PACRG: variants seen among roughly 807,000 people sequenced by gnomAD.
PACRG encodes parkin coregulated, also known as parkin coregulated gene protein.
Under a neutral mutation model 29.7 loss-of-function variants are expected in PACRG, and 29 were observed. The observed-to-expected ratio is 0.98, with a 90% CI of 0.73 to 1.33. The LOEUF is 1.33. Ranked by LOEUF, PACRG falls within the 40% of genes most tolerant of loss-of-function variation. PACRG has a pLI of 0.00. For missense variants in PACRG, 279 were observed against 316.2 expected, an observed-to-expected ratio of 0.88 and a Z score of 0.89; for synonymous variants, 116 against 118.7, an observed-to-expected ratio of 0.98 and a Z score of 0.15.
At chr6:162,754,886 T>C (rs1439001069) in intron 1 of PACRG, among the ~76,000 whole-genome samples, 1 of 152,178 alleles carries the variant, frequency 6.6e-6, no homozygotes, top group Non-Finnish European at 1.5e-5. Context: ...TTTTGTAGAA[T>C]TCCACAGTAA....
intron 1 of PACRG, among the ~76,000 whole-genome samples, chr6:162,759,833 G>A (rs138390366): frequency 3.8e-4 from 58 of 152,242 alleles, no homozygotes; most frequent in Admixed American, 8.5e-4. Flanking sequence ...CTAAAAGTCC[G>A]ATATTAGGAC....
chr6:162,909,282 G>A (rs888080918), intron 2 of PACRG, among the ~76,000 whole-genome samples: 6 of 152,008 alleles, frequency 3.9e-5, no homozygotes, highest in Non-Finnish European at 5.9e-5. Flanking sequence ...TTGGCCAGGC[G>A]CGGGGGCTCA....
chr6:163,097,520 A>T lies in PACRG; in HGVS notation c.613+8112A>T, dbSNP rs892264107. On this transcript the variant is annotated intron_variant, in intron 4 of 4. Coordinates refer to ENST00000366888, the MANE Select transcript of PACRG (RefSeq NM_001080379.2). ...GCTTATTCTGAGCCAAATATGGGTG[A>T]CCATGACCCAGGGCACAGTCTCAGG... 8.5e-5 allele frequency among the ~76,000 whole-genome samples: 13 copies of T among 152,240 alleles called. No individual in the cohort carries two copies. In the South Asian group the frequency reaches 2.7e-3, roughly 32 times the overall value.
At chr6:163,238,899 C>A (rs899261706) in intron 4 of PACRG, among the ~76,000 whole-genome samples, 1 of 152,174 alleles carries the variant, frequency 6.6e-6, no homozygotes, top group African/African-American at 2.4e-5. Flanking sequence ...CCATCTCATG[C>A]TTCAACCTCA....
chr6:162,952,055 C>G (rs892273358), intron 2 of PACRG, among the ~76,000 whole-genome samples: 1 of 152,170 alleles, frequency 6.6e-6, no homozygotes, highest in Non-Finnish European at 1.5e-5. Context: ...TCAATAGTTC[C>G]TACGTAGCTG....
chr6:163,170,984 C>T (rs1779055504), intron 4 of PACRG: 1 of 152,196 alleles, frequency 6.6e-6, no homozygotes. Flanking sequence ...TATAGCAAAA[C>T]TCTCAAACAG....
chr6:162,772,391 A>G (rs544384914), intron 1 of PACRG, among the ~76,000 whole-genome samples: 78 of 152,340 alleles, frequency 5.1e-4, no homozygotes, highest in African/African-American at 1.8e-3. Context: ...TATTTAAAGA[A>G]AGCCTCTAAC....
At chr6:163,284,105 C>G (rs1035968585) in intron 4 of PACRG, among the ~76,000 whole-genome samples, 1 of 151,880 alleles carries the variant, frequency 6.6e-6, no homozygotes, top group African/African-American at 2.4e-5. Flanking sequence ...AAGAGCAAAA[C>G]TCTGTCTCAA....
At chr6:162,888,822 A>C (rs113756674) in intron 2 of PACRG, among the ~76,000 whole-genome samples, 3 of 152,248 alleles carry the variant, frequency 2.0e-5, no homozygotes, top group African/African-American at 7.2e-5. Context: ...CTTTTCTCTT[A>C]ATTTTCTCCT....
chr6:163,270,661 C>T (rs1783791561), intron 4 of PACRG, among the ~76,000 whole-genome samples: 1 of 152,074 alleles, frequency 6.6e-6, no homozygotes, highest in South Asian at 2.1e-4. Context: ...GCCTGAGCCA[C>T]CACACTCAGC....
intron 2 of PACRG, among the ~76,000 whole-genome samples, chr6:162,851,592 A>G (rs148906705): frequency 1.3e-5 from 2 of 152,254 alleles, no homozygotes; most frequent in East Asian, 3.9e-4. Context: ...TCTGATTCTC[A>G]CCATCAGTCA....
At chr6:162,753,190 AAT>A (rs919587888) in intron 1 of PACRG, among the ~76,000 whole-genome samples, 13 of 152,056 alleles carry the variant, frequency 8.5e-5, no homozygotes, top group Admixed American at 1.3e-4. Flanking sequence ...TAGATCTCAA[AAT>A]ATGTTTCTTC....
At chr6:163,198,891 G>T (rs1286298078) in intron 4 of PACRG, among the ~76,000 whole-genome samples, 1 of 152,160 alleles carries the variant, frequency 6.6e-6, no homozygotes, top group African/African-American at 2.4e-5. Flanking sequence ...AAGTACACTG[G>T]TTTGGTCTGA....
chr6:163,089,484 A>C, intron 4 of PACRG, 76 bp downstream of exon 4: 1 of 1,524,104 alleles, frequency 6.6e-7, no homozygotes, highest in Non-Finnish European at 9.0e-7. Flanking sequence ...TTAATTAGCA[A>C]CACGTTTAGG....
intron 1 of PACRG, among the ~76,000 whole-genome samples, chr6:162,743,421 T>A (rs1249152770): frequency 6.6e-6 from 1 of 152,178 alleles, no homozygotes; most frequent in African/African-American, 2.4e-5. Flanking sequence ...CTTTTTTGTT[T>A]GTAGAATTGG....
upstream of PACRG, chr6:162,727,720 C>G (rs1308078443): frequency 6.5e-6 from 10 of 1,544,094 alleles, no homozygotes; most frequent in Non-Finnish European, 8.8e-6. Context: ...ATGCGCGCAG[C>G]GGCGCCAGCC....
At chr6:163,019,083 C>G (rs1302145966) in intron 2 of PACRG, among the ~76,000 whole-genome samples, 1 of 152,020 alleles carries the variant, frequency 6.6e-6, no homozygotes, top group Non-Finnish European at 1.5e-5. Context: ...AATATGTGAT[C>G]TTGTTTTGAA....
At chr6:162,727,917 C>T (rs1254520855), upstream of PACRG, 4 of 592,986 alleles carry the variant, frequency 6.7e-6, no homozygotes, top group African/African-American at 7.6e-5. Context: ...CGGCTTCAGG[C>T]CCAGCAATCT....
At chr6:163,269,691 T>C (rs890206692) in intron 4 of PACRG, among the ~76,000 whole-genome samples, 1 of 149,784 alleles carries the variant, frequency 6.7e-6, no homozygotes, top group Non-Finnish European at 1.5e-5. Context: ...AAAAAAGTGA[T>C]TCAAGTATCC....
Sources: gnomAD v4.1 joint callset for allele counts (sites outside exome capture counted in the v4.1 genomes callset) on GRCh38, gnomAD v4.1.1 for gene constraint, MANE v1.5 for transcripts, NCBI Gene and HGNC (gene_info 2026-07-23, HGNC 2026-07-21) for gene names.